RB1: variants seen among roughly 807,000 people sequenced by gnomAD.
The protein encoded by RB1 is RB transcriptional corepressor 1, also known as retinoblastoma-associated protein.
A neutral mutation model predicts 135.4 loss-of-function variants in RB1; 18 were observed. The observed-to-expected ratio is 0.13, with a 90% CI of 0.09 to 0.20. The LOEUF is 0.20. RB1 is among the 10% of genes least tolerant of loss of function. The pLI is 1.00. For missense variants in RB1, 868 were observed against 1,110.0 expected (o/e 0.78, Z 3.10); for synonymous variants, 365 against 373.2 (o/e 0.98, Z 0.25).
At chr13:48,316,341 T>C (rs1275944876) in intron 2 of RB1, among the ~76,000 whole-genome samples, 1 of 152,118 alleles carries the variant, frequency 6.6e-6, no homozygotes, top group Admixed American at 6.5e-5. Context: ...TTGGGGCATC[T>C]GAGCGATTCC....
chr13:48,413,718 G>A (rs368887774), intron 17 of RB1, among the ~76,000 whole-genome samples: 26 of 152,076 alleles, frequency 1.7e-4, no homozygotes, highest in East Asian at 9.7e-4. Context: ...TAATATTTTA[G>A]AGCTGTTTAA....
intron 20 of RB1, among the ~76,000 whole-genome samples, chr13:48,462,403 G>C (rs2138340866): frequency 6.6e-6 from 1 of 152,296 alleles, no homozygotes; most frequent in South Asian, 2.1e-4. Context: ...AGGATTACAG[G>C]CATGAGCCAC....
At chr13:48,363,184 G>C (rs1408165387) in intron 8 of RB1, among the ~76,000 whole-genome samples, 1 of 150,990 alleles carries the variant, frequency 6.6e-6, no homozygotes, top group Non-Finnish European at 1.5e-5. Flanking sequence ...ATATAATCAA[G>C]ACAATAGTTT....
chr13:48,376,422 C>G (rs1233330725), intron 12 of RB1, among the ~76,000 whole-genome samples: 1 of 149,736 alleles, frequency 6.7e-6, no homozygotes, highest in Non-Finnish European at 1.5e-5. Context: ...ATCACTTGAA[C>G]TTGGGAGGCG....
chr13:48,419,576 C>CA lies in RB1; in HGVS notation c.1696-33411dup, dbSNP rs1171697484. Reference sequence around the variant, plus strand: ...GGAGAGAGAAACACGAAAAACCCTTCAAAAAATCAATGAATCCAGGAGCTG... The same window carrying CA: ...GGAGAGAGAAACACGAAAAACCCTTCAAAAAAATCAATGAATCCAGGAGCTG... On this transcript the variant is annotated intron_variant, in intron 17 of 26. Transcript: ENST00000267163. 5.3e-5 allele frequency among the ~76,000 whole-genome samples: 8 copies of CA among 152,034 alleles called. No homozygotes were observed. In the South Asian group the frequency reaches 8.3e-4, roughly 16 times the overall value.
In RB1 at chr13:48,328,207, T is replaced by C. The variant is rs4151443; in HGVS notation, c.265-14392T>C. On this transcript the variant is annotated intron_variant, in intron 2 of 26. Coordinates refer to ENST00000267163, the MANE Select transcript of RB1 (RefSeq NM_000321.3). ...GGTCCAGCTGATGTTGGTGTATCCC[T>C]TGCAATATTCTTCATCCTCATCTTT... The C allele has an allele frequency of 2.1e-3, 3,162 of 1,480,290 alleles. 58 individuals carry two copies. The African/African-American group carries it at 0.038, about 18-fold the overall frequency. The allele number at this position is 1,480,290 out of a possible 1,614,324, so 91.7% of individuals were successfully genotyped here. A position where few individuals can be genotyped will look rare whatever the true frequency, so the allele number is the denominator to read the frequency against.
intron 17 of RB1, chr13:48,406,504 T>G (rs1948741289): frequency 6.6e-6 from 1 of 152,206 alleles, no homozygotes; most frequent in South Asian, 2.1e-4. Flanking sequence ...TGAAGACAAA[T>G]GCATCTCTAC....
chr13:48,425,880 A>G (rs1949072294), intron 17 of RB1, among the ~76,000 whole-genome samples: 1 of 152,238 alleles, frequency 6.6e-6, no homozygotes. Context: ...ACAGACCAAG[A>G]AACTAAAATT....
intron 7 of RB1, among the ~76,000 whole-genome samples, chr13:48,361,969 G>T (rs1952645618): frequency 7.3e-6 from 1 of 136,740 alleles, no homozygotes; most frequent in Non-Finnish European, 1.5e-5. Context: ...TTGAGGCAGA[G>T]TCTCACTCAC....
At chr13:48,312,695 AGCAGT>A (rs773203818) in intron 2 of RB1, among the ~76,000 whole-genome samples, 1 of 152,030 alleles carries the variant, frequency 6.6e-6, no homozygotes, top group Non-Finnish European at 1.5e-5. Context: ...TTCTTTTACC[AGCAGT>A]GCTTGGTTTT....
intron 17 of RB1, among the ~76,000 whole-genome samples, chr13:48,421,834 G>A (rs7984036): frequency 0.045 from 6,887 of 152,222 alleles, 526 homozygotes; most frequent in African/African-American, 0.15. Context: ...TCTCATGGCC[G>A]TTAGAATGGC....
intron 17 of RB1, chr13:48,411,006 G>C (rs994227927): frequency 6.6e-6 from 1 of 152,342 alleles, no homozygotes; most frequent in African/African-American, 2.4e-5. Flanking sequence ...ATGGTATGTT[G>C]AATAAAATAT....
chr13:48,458,469 A>G (rs1190024867), intron 19 of RB1, among the ~76,000 whole-genome samples: 6 of 152,208 alleles, frequency 3.9e-5, no homozygotes, highest in Non-Finnish European at 5.9e-5. Context: ...GCATATTGTC[A>G]GATATTATCC....
chr13:48,328,243 G>T, intron 2 of RB1: 1 of 1,462,942 alleles, frequency 6.8e-7, no homozygotes, highest in Non-Finnish European at 9.6e-7. Flanking sequence ...GCTTCTGGAG[G>T]CCTTTCCTCT....
chr13:48,473,750 T>C (rs1484291404), intron 24 of RB1, among the ~76,000 whole-genome samples: 2 of 152,266 alleles, frequency 1.3e-5, no homozygotes, highest in African/African-American at 4.8e-5. Flanking sequence ...AACTCTCTGG[T>C]GTTCTACAAT....
chr13:48,429,598 A>C (rs1054058367), intron 17 of RB1: 1 of 152,166 alleles, frequency 6.6e-6, no homozygotes. Context: ...CTAAAAAAAA[A>C]ACAAAAAACC....
chr13:48,471,594 C>G (rs1328014751), intron 23 of RB1, among the ~76,000 whole-genome samples: 1 of 117,620 alleles, frequency 8.5e-6, no homozygotes, highest in African/African-American at 3.2e-5. Context: ...AAAAGAAAAT[C>G]TATTTACTTG....
chr13:48,439,757 T>G (rs1949218192), intron 17 of RB1: 1 of 152,160 alleles, frequency 6.6e-6, no homozygotes, highest in Admixed American at 6.5e-5. Flanking sequence ...TGCCTGAGTT[T>G]TTAGTGTTCC....
intron 17 of RB1, among the ~76,000 whole-genome samples, chr13:48,392,512 T>G (rs1474776385): frequency 6.6e-6 from 1 of 152,222 alleles, no homozygotes; most frequent in Non-Finnish European, 1.5e-5. Context: ...AATTTTTTTC[T>G]TCTGAGGTAT....
Sources: allele counts gnomAD v4.1 joint callset (sites outside exome capture counted in the v4.1 genomes callset), GRCh38; gene constraint gnomAD v4.1.1; transcripts MANE v1.5; gene names NCBI Gene and HGNC (gene_info 2026-07-23, HGNC 2026-07-21).